MAF: variants seen among roughly 807,000 people sequenced by gnomAD.
The protein encoded by MAF is transcription factor Maf.
MAF carries 10 observed loss-of-function variants against 22.0 expected under a neutral mutation model. The ratio of observed to expected loss-of-function variants is 0.45; its 90% CI spans 0.28 to 0.77. MAF has a LOEUF of 0.77. MAF is among the 30% of genes least tolerant of loss of function. MAF has a pLI of 0.12. For synonymous variants in MAF, 337 were observed against 255.8 expected, an observed-to-expected ratio of 1.32 and a Z score of -3.03; for missense variants, 544 against 548.4, an observed-to-expected ratio of 0.99 and a Z score of 0.08.
the MAF span, among the ~76,000 whole-genome samples, chr16:79,278,204 C>G: frequency 6.6e-6 from 1 of 152,198 alleles, no homozygotes; most frequent in Non-Finnish European, 1.5e-5. Flanking sequence ...GGGAGACCAG[C>G]TGACAGCCAT....
the MAF span, among the ~76,000 whole-genome samples, chr16:79,291,207 G>T: frequency 6.6e-6 from 1 of 152,162 alleles, no homozygotes; most frequent in African/African-American, 2.4e-5. Context: ...CAGAGCATAG[G>T]AGTGGAGGGC....
the MAF span, among the ~76,000 whole-genome samples, chr16:79,425,428 G>A: frequency 1.3e-5 from 2 of 152,138 alleles, no homozygotes; most frequent in African/African-American, 4.8e-5. Context: ...ACAATTTGTG[G>A]CCTAGGAACT....
chr16:79,234,539 T>C, the MAF span, among the ~76,000 whole-genome samples: 1 of 152,072 alleles, frequency 6.6e-6, no homozygotes, highest in Non-Finnish European at 1.5e-5. Context: ...TCAAATGCAA[T>C]CTGAGTTAGA....
At chr16:79,223,502 T>C in the MAF span, among the ~76,000 whole-genome samples, 2 of 151,694 alleles carry the variant, frequency 1.3e-5, no homozygotes, top group Admixed American at 6.6e-5. Context: ...AGACAAGAAA[T>C]AACTAAGATC....
At chr16:79,302,597 A>G in the MAF span, among the ~76,000 whole-genome samples, 1 of 152,150 alleles carries the variant, frequency 6.6e-6, no homozygotes, top group Admixed American at 6.5e-5. Flanking sequence ...AAAAACACCC[A>G]CATTTGTTAT....
At chr16:79,220,415 G>C in the MAF span, among the ~76,000 whole-genome samples, 1 of 151,990 alleles carries the variant, frequency 6.6e-6, no homozygotes, top group Non-Finnish European at 1.5e-5. Context: ...AAATTTGCAT[G>C]TATCTTGTAG....
the MAF span, among the ~76,000 whole-genome samples, chr16:79,399,726 G>A: frequency 1.8e-4 from 27 of 152,052 alleles, no homozygotes; most frequent in African/African-American, 3.1e-4. Flanking sequence ...ATAGGAAGGC[G>A]GAATCATGCA....
At chr16:79,325,628 CAGA>C in the MAF span, among the ~76,000 whole-genome samples, 1 of 149,090 alleles carries the variant, frequency 6.7e-6, no homozygotes, top group South Asian at 2.1e-4. Context: ...CACACACACA[CAGA>C]ACACACACAC....
the MAF span, among the ~76,000 whole-genome samples, chr16:79,550,360 CA>C: frequency 2.0e-5 from 3 of 152,010 alleles, no homozygotes; most frequent in Non-Finnish European, 2.9e-5. Flanking sequence ...GACAGACAGA[CA>C]GACACACCCC....
chr16:79,593,654 C>G (rs984466327), downstream of MAF, among the ~76,000 whole-genome samples: 4 of 152,070 alleles, frequency 2.6e-5, no homozygotes, highest in Non-Finnish European at 5.9e-5. Flanking sequence ...ATTTGCCAGG[C>G]AAAAGTAGAA....
the MAF span, among the ~76,000 whole-genome samples, chr16:79,263,757 C>T: frequency 3.2e-4 from 49 of 152,302 alleles, no homozygotes; most frequent in South Asian, 1.7e-3. Context: ...AGTTCATTGC[C>T]AGTCAACTCC....
At chr16:79,434,921 A>G in the MAF span, among the ~76,000 whole-genome samples, 1 of 152,294 alleles carries the variant, frequency 6.6e-6, no homozygotes, top group Admixed American at 6.5e-5. Flanking sequence ...CATGGAATGG[A>G]TTCCAGGGAG....
At chr16:79,203,189 C>T in the MAF span, 3 of 152,298 alleles carry the variant, frequency 2.0e-5, no homozygotes, top group South Asian at 2.1e-4. Context: ...TGTGTAAAGG[C>T]AGTGCCTAAG....
the MAF span, among the ~76,000 whole-genome samples, chr16:79,456,358 C>A: frequency 6.6e-6 from 1 of 152,174 alleles, no homozygotes; most frequent in Admixed American, 6.5e-5. Flanking sequence ...GACAAATTGT[C>A]AGACCAGTGT....
the MAF span, among the ~76,000 whole-genome samples, chr16:79,310,234 C>T: frequency 6.6e-6 from 1 of 152,132 alleles, no homozygotes; most frequent in South Asian, 2.1e-4. Flanking sequence ...GCAAAATGCC[C>T]TCACGGTCTC....
At chr16:79,429,193 T>G in the MAF span, among the ~76,000 whole-genome samples, 6 of 152,176 alleles carry the variant, frequency 3.9e-5, no homozygotes, top group Non-Finnish European at 7.3e-5. Context: ...GAATTAAGGC[T>G]TAACTCTGAG....
chr16:79,409,907 C>G, the MAF span, among the ~76,000 whole-genome samples: 1 of 152,190 alleles, frequency 6.6e-6, no homozygotes, highest in Non-Finnish European at 1.5e-5. Flanking sequence ...CCCTAAACTA[C>G]AGTTATTGTC....
At chr16:79,541,753 T>A in the MAF span, among the ~76,000 whole-genome samples, 12 of 151,236 alleles carry the variant, frequency 7.9e-5, no homozygotes, top group African/African-American at 1.2e-4. Flanking sequence ...ACCTCCGGGT[T>A]CAAGAGATTC....
the MAF span, among the ~76,000 whole-genome samples, chr16:79,578,594 G>T: frequency 7.3e-5 from 11 of 151,570 alleles, no homozygotes; most frequent in Non-Finnish European, 1.0e-4. Context: ...AAAACTACAA[G>T]ACTCCCCCAA....
Sources: allele counts gnomAD v4.1 joint callset (sites outside exome capture counted in the v4.1 genomes callset), GRCh38; gene constraint gnomAD v4.1.1; transcripts MANE v1.5; gene names NCBI Gene and HGNC (gene_info 2026-07-23, HGNC 2026-07-21).